Variants in ZMYND19 observed in about 807,000 individuals in gnomAD.
ZMYND19 encodes the protein zinc finger MYND-type containing 19.
In ZMYND19, 17 loss-of-function variants were observed where a neutral mutation model predicts 32.0. That is an observed-to-expected ratio of 0.53 (90% confidence interval 0.36 to 0.80). The LOEUF (loss-of-function observed/expected upper bound fraction) is 0.80, where lower values mean the gene tolerates loss of function less well. Ranked by LOEUF, ZMYND19 falls within the 30% of genes least tolerant of loss-of-function variation. ZMYND19 has a pLI of 0.00. For synonymous variants in ZMYND19, 124 were observed against 113.6 expected, an observed-to-expected ratio of 1.09 and a Z score of -0.58; for missense variants, 250 against 293.6, an observed-to-expected ratio of 0.85 and a Z score of 1.09.
At chr9:137,589,915 G>C (rs1244360497) in intron 1 of ZMYND19, 2 of 985,368 alleles carry the variant, frequency 2.0e-6, no homozygotes, top group Non-Finnish European at 2.4e-6. Flanking sequence ...GCTCGGGCTC[G>C]AGCCACGCAT....
intron 1 of ZMYND19, chr9:137,589,666 C>T: frequency 2.0e-6 from 2 of 985,464 alleles, no homozygotes; most frequent in Admixed American, 6.1e-5. Flanking sequence ...CTCTCTGCTC[C>T]GAGTCTGAGG....
intron 4 of ZMYND19, among the ~76,000 whole-genome samples, 171 bp from the exon 5 acceptor site, chr9:137,583,334 A>G (rs1422874525): frequency 2.0e-5 from 3 of 152,044 alleles, no homozygotes; most frequent in African/African-American, 7.2e-5. Flanking sequence ...GACAGTAAAT[A>G]TTGTGTCTCA....
chr9:137,587,341 C>T (rs929830277), intron 3 of ZMYND19: 8 of 675,004 alleles, frequency 1.2e-5, no homozygotes, highest in Non-Finnish European at 2.0e-5. Context: ...GGCCCCTGGA[C>T]TTCAGAGCAC....
At chr9:137,589,484 C>A in intron 1 of ZMYND19, 1 of 985,478 alleles carries the variant, frequency 1.0e-6, no homozygotes, top group Non-Finnish European at 1.2e-6. Context: ...GGCTCCCATC[C>A]GGGTAAGGAC....
Position 137,587,239 on chromosome 9 carries a change from C to G in ZMYND19, c.219-132G>C, listed in dbSNP as rs908556078. 8 of 1,432,684 alleles carry G rather than the reference C, an allele frequency of 5.6e-6. No individual in the cohort carries two copies. The African/African-American group carries it at 9.9e-5, about 18-fold the overall frequency. 88.7% of individuals were successfully genotyped at this position (1,432,684 alleles called of 1,614,324 possible). On this transcript the variant is annotated intron_variant, in intron 3 of 5. Coordinates refer to ENST00000298585, the MANE Select transcript of ZMYND19 (RefSeq NM_138462.3). ...ATGTGATCTGATCGGGCCCCTGGTC[C>G]TTTGGATGAGGGTACCTCAGGCGGA...
chr9:137,587,504 A>T, intron 3 of ZMYND19: 2 of 610,784 alleles, frequency 3.3e-6, no homozygotes, highest in Non-Finnish European at 5.8e-6. Flanking sequence ...GGTCCTGGGC[A>T]AGCTCCCAGC....
Position 137,590,198 on chromosome 9 carries a change from C to G in ZMYND19, c.51+15G>C, listed in dbSNP as rs1319420572. The G allele has an allele frequency of 1.0e-5, 11 of 1,095,688 alleles. No individual in the cohort carries two copies. The highest frequency in any genetic ancestry group is 1.2e-5 in the Non-Finnish European group (11 of 892,838). 67.9% of individuals were successfully genotyped at this position (1,095,688 alleles called of 1,614,324 possible). A position where few individuals can be genotyped will look rare whatever the true frequency, so the allele number is the denominator to read the frequency against. Reference sequence around the variant, plus strand: ...CGGGCGAGACGGGCCGGGTCGCGGGCTCCGCGCCGCTCACCTTCCCGGCCA... The same window carrying G: ...CGGGCGAGACGGGCCGGGTCGCGGGGTCCGCGCCGCTCACCTTCCCGGCCA... On this transcript the variant is annotated intron_variant, in intron 1 of 5. Transcript: ENST00000298585. This position sits in a 1 kb window ranked among gnomAD's most constrained non-coding sequence, Gnocchi z 4.2.
chr9:137,582,683 G>A lies in ZMYND19; in HGVS notation c.544C>T (p.Arg182Trp), dbSNP rs1356201678. 2 of 1,612,474 alleles carry A rather than the reference G, an allele frequency of 1.2e-6. No individual in the cohort carries two copies. Among genetic ancestry groups the A allele is most frequent in the African/African-American group, 1.3e-5 (1 of 74,940 alleles). Residue 182 changes from arginine to tryptophan, a missense_variant, in exon 6 of 6, where the codon CGG becomes TGG. This residue lies in a region of ZMYND19 where 38 missense variants were observed against 74.9 expected (regional missense o/e 0.51). Coordinates refer to ENST00000298585, the MANE Select transcript of ZMYND19 (RefSeq NM_138462.3). ...PPCTVIEKQLREFNICGRCQV... is the reference protein window; with the variant it reads ...PPCTVIEKQLWEFNICGRCQV... ...CAGCGCCCACAGATGTTGAACTCCC[G>A]GAGCTGAAATACAGAACACCTGTGG... is the stretch of plus-strand genomic sequence containing the variant.
chr9:137,588,737 T>A lies in ZMYND19; in HGVS notation c.52-19A>T, dbSNP rs775969081. ...ATTTGGTCTGGAAGTTAACCACATG[T>A]TTCAAATCATTACATTTGGGATCTG... On this transcript the variant is annotated intron_variant, in intron 1 of 5. Transcript: ENST00000298585. The A allele has an allele frequency of 6.2e-7, 1 of 1,614,022 alleles. No homozygotes were observed. Among genetic ancestry groups the A allele is most frequent in the Non-Finnish European group, 8.5e-7 (1 of 1,179,900 alleles).
In ZMYND19 at chr9:137,587,821, G is replaced by A. The variant is rs777293095; in HGVS notation, c.114C>T (p.Ala38=). Residue 38 remains alanine (A), a splice_region_variant and synonymous_variant, in exon 3 of 6, where the codon GCC becomes GCT. Coordinates refer to ENST00000298585, the MANE Select transcript of ZMYND19 (RefSeq NM_138462.3). ...TTCCATCTGCATCCACTTCCATTCG[G>A]GCCTGAGAAGGAACAAGGGAAAGAG... is the stretch of plus-strand genomic sequence containing the variant. ...IPLVESYSFE[A]RMEVDADGNG... 5 of 1,613,894 alleles carry A rather than the reference G, an allele frequency of 3.1e-6. No individual in the cohort carries two copies. In the South Asian group the frequency reaches 4.4e-5, roughly 14 times the overall value.
chr9:137,588,025 C>T (rs1019746762), intron 2 of ZMYND19, among the ~76,000 whole-genome samples: 1 of 152,156 alleles, frequency 6.6e-6, no homozygotes, highest in African/African-American at 2.4e-5. Flanking sequence ...TCTGTCTATT[C>T]GAGCAAGAAA....
At chr9:137,588,108 C>G (rs971629891) in intron 2 of ZMYND19, among the ~76,000 whole-genome samples, 1 of 152,170 alleles carries the variant, frequency 6.6e-6, no homozygotes, top group Non-Finnish European at 1.5e-5. Context: ...AAAAAGCCCA[C>G]GGTGCAGTGA....
chr9:137,590,390 G>A lies in ZMYND19; in HGVS notation c.-127C>T, dbSNP rs1842260069. The A allele has an allele frequency of 1.8e-6, 1 of 549,640 alleles. No individual in the cohort carries two copies. Among genetic ancestry groups the A allele is most frequent in the South Asian group, 7.5e-5 (1 of 13,298 alleles). 34.0% of individuals were successfully genotyped at this position (549,640 alleles called of 1,614,324 possible). A position where few individuals can be genotyped will look rare whatever the true frequency, so the allele number is the denominator to read the frequency against. On this transcript the variant is annotated 5_prime_UTR_variant, in exon 1 of 6. Coordinates refer to ENST00000298585, the MANE Select transcript of ZMYND19 (RefSeq NM_138462.3). The surrounding 1 kb of genome is among the most constrained non-coding windows in gnomAD (Gnocchi z 4.2). ...CCGGGGTCGGGGTAGCAGCCAGGCG[G>A]GCTCCGGGCGGGACGAGGCTGGGCC...
chr9:137,588,254 G>C (rs550586458), intron 2 of ZMYND19, among the ~76,000 whole-genome samples: 84 of 152,214 alleles, frequency 5.5e-4, no homozygotes, highest in Non-Finnish European at 1.1e-3. Flanking sequence ...GCAGAGAACG[G>C]GAGGCAGCTG....
chr9:137,589,817 G>A (rs1842250072), intron 1 of ZMYND19: 2 of 985,496 alleles, frequency 2.0e-6, no homozygotes, highest in Non-Finnish European at 2.4e-6. Flanking sequence ...AGGGCGCTGT[G>A]TTTAAACCGT....
At chr9:137,589,890 C>A in intron 1 of ZMYND19, 1 of 985,382 alleles carries the variant, frequency 1.0e-6, no homozygotes, top group Non-Finnish European at 1.2e-6. Flanking sequence ...ACTGGGAGGG[C>A]TCCGGGAGAA....
chr9:137,588,571 T>C, intron 2 of ZMYND19, 88 bp downstream of exon 2: 4 of 1,457,892 alleles, frequency 2.7e-6, no homozygotes, highest in Non-Finnish European at 2.9e-6. Flanking sequence ...CGCCTGCTCT[T>C]GCAGCACAGG....
chr9:137,587,436 CGG>C (rs3215867), intron 3 of ZMYND19: 1 of 590,444 alleles, frequency 1.7e-6, no homozygotes, highest in South Asian at 2.1e-5. Context: ...CCATGCACAC[CGG>C]GGGGGCTCGG....
chr9:137,588,556 G>C, intron 2 of ZMYND19, 103 bp downstream of exon 2: 2 of 1,341,124 alleles, frequency 1.5e-6, no homozygotes, highest in South Asian at 2.4e-5. Flanking sequence ...GTCCACTTGT[G>C]GGGCCGCCTG....
Sources: gnomAD v4.1 joint callset for allele counts (sites outside exome capture counted in the v4.1 genomes callset) on GRCh38, gnomAD v4.1.1 for gene constraint, gnomAD v4.1.1 regional missense constraint, Gnocchi (gnomAD v3.1) non-coding constraint, MANE v1.5 for transcripts, NCBI Gene and HGNC (gene_info 2026-07-23, HGNC 2026-07-21) for gene names.